Variants in CISTR observed in about 807,000 individuals in gnomAD.
The protein encoded by CISTR is chondrogenic regulator lncRNA.
At chr12:53,750,778 A>C (rs1369395159) in exon 2 of CISTR, 1 of 152,954 alleles carries the variant, frequency 6.5e-6, no homozygotes, top group East Asian at 1.9e-4. Flanking sequence ...TTACTTGGCT[A>C]CGTGTGGCGA....
At chr12:53,747,006 G>A (rs968364169) in intron 2 of CISTR, among the ~76,000 whole-genome samples, 4 of 152,206 alleles carry the variant, frequency 2.6e-5, no homozygotes, top group East Asian at 1.9e-4. Flanking sequence ...GAAGTTTTAA[G>A]TTCTGGTTTT....
chr12:53,749,298 G>A (rs1396441623), intron 2 of CISTR, among the ~76,000 whole-genome samples: 2 of 151,906 alleles, frequency 1.3e-5, no homozygotes, highest in Non-Finnish European at 2.9e-5. Flanking sequence ...AGAAGTGTGT[G>A]TGTGTGTGTG....
chr12:53,752,562 G>A (rs1264875506), intron 1 of CISTR, among the ~76,000 whole-genome samples: 2 of 152,164 alleles, frequency 1.3e-5, no homozygotes, highest in East Asian at 3.8e-4. Flanking sequence ...AACATGCTTG[G>A]CACATGGGAC....
At chr12:53,752,159 TGCC>T (rs1233643954) in intron 1 of CISTR, among the ~76,000 whole-genome samples, 1 of 152,032 alleles carries the variant, frequency 6.6e-6, no homozygotes, top group Non-Finnish European at 1.5e-5. Context: ...CTCTGCCCGC[TGCC>T]GCCGCCGCCG....
At chr12:53,749,365 G>A (rs1336339108) in intron 2 of CISTR, among the ~76,000 whole-genome samples, 1 of 151,720 alleles carries the variant, frequency 6.6e-6, no homozygotes, top group African/African-American at 2.4e-5. Context: ...AGGAGGGCGA[G>A]AGGGGCACGG....
chr12:53,748,728 C>T (rs1373343251), intron 2 of CISTR, among the ~76,000 whole-genome samples: 3 of 152,160 alleles, frequency 2.0e-5, no homozygotes, highest in Non-Finnish European at 4.4e-5. Flanking sequence ...GGGCCAGGAC[C>T]AGGGCCAGGG....
chr12:53,751,573 G>A lies in CISTR; in HGVS notation n.415-608C>T, dbSNP rs1419480284. Among the ~76,000 whole-genome samples, 2 of 152,172 alleles carry A rather than the reference G, an allele frequency of 1.3e-5. No homozygotes were observed. The highest frequency in any genetic ancestry group is 6.5e-5 in the Admixed American group (1 of 15,284). On this transcript the variant is annotated intron_variant and non_coding_transcript_variant, in intron 1 of 2. Transcript: ENST00000669269. The surrounding 1 kb of genome is among the most constrained non-coding windows in gnomAD (Gnocchi z 4.6). Reference sequence around the variant, plus strand: ...CCCTGGTGGGCCCTCAGCCTCCTCCGCGCGGCGCGGACTCATTACGGCTGC... The same window carrying A: ...CCCTGGTGGGCCCTCAGCCTCCTCCACGCGGCGCGGACTCATTACGGCTGC...
chr12:53,748,798 G>C (rs1937811202), intron 2 of CISTR, among the ~76,000 whole-genome samples: 1 of 152,226 alleles, frequency 6.6e-6, no homozygotes, highest in African/African-American at 2.4e-5. Context: ...GAAGGGGAGG[G>C]AGAAGATGGG....
At chr12:53,748,483 G>A (rs1314296853) in intron 2 of CISTR, among the ~76,000 whole-genome samples, 1 of 152,186 alleles carries the variant, frequency 6.6e-6, no homozygotes, top group African/African-American at 2.4e-5. Flanking sequence ...AGAGGGAACA[G>A]AGACACTGCC....
intron 1 of CISTR, among the ~76,000 whole-genome samples, chr12:53,753,665 G>GGGGTGTGTGTGT (rs1394699395): frequency 7.1e-6 from 1 of 141,224 alleles, no homozygotes; most frequent in African/African-American, 2.7e-5. Flanking sequence ...AATGCATAGG[G>GGGGTGTGTGTGT]GTGTGTGTGT....
At chr12:53,746,965 T>C (rs1018348178) in intron 2 of CISTR, among the ~76,000 whole-genome samples, 1 of 152,226 alleles carries the variant, frequency 6.6e-6, no homozygotes, top group Admixed American at 6.5e-5. Flanking sequence ...GGGAAGGTCT[T>C]CCGGAGATTT....
rs760615546 is a variant in CISTR, at chr12:53,753,052, T to TCACACACACACACA, written n.415-2101_415-2088dup. Among the ~76,000 whole-genome samples the TCACACACACACACA allele has an allele frequency of 2.8e-4, 34 of 121,322 alleles. 1 individual carries two copies. The highest frequency in any genetic ancestry group is 2.0e-3 in the East Asian group (9 of 4,580). 79.6% of individuals were successfully genotyped at this position (121,322 alleles called of 152,430 possible). ...ATCATACTTCTCTCCCATCTATACA[T>TCACACACACACACA]CACACACACACACACACACACACAC... On this transcript the variant is annotated intron_variant and non_coding_transcript_variant, in intron 1 of 2. Transcript: ENST00000669269.
intron 2 of CISTR, among the ~76,000 whole-genome samples, chr12:53,749,828 C>T (rs4759292): frequency 0.052 from 7,946 of 152,108 alleles, 347 homozygotes; most frequent in East Asian, 0.25. Context: ...AGCTGGGGAG[C>T]AGTATTTCCA....
chr12:53,749,132 A>G (rs1407460619), intron 2 of CISTR, among the ~76,000 whole-genome samples: 2 of 152,018 alleles, frequency 1.3e-5, no homozygotes, highest in Non-Finnish European at 2.9e-5. Context: ...GAACAGAAGA[A>G]AGATGGAAGT....
intron 2 of CISTR, among the ~76,000 whole-genome samples, chr12:53,750,040 G>T (rs1022501630): frequency 2.0e-4 from 30 of 152,226 alleles, no homozygotes; most frequent in Admixed American, 7.2e-4. Context: ...CCTGGCACTG[G>T]AGGGATGAGG....
intron 2 of CISTR, among the ~76,000 whole-genome samples, chr12:53,747,596 G>A (rs904026326): frequency 6.6e-6 from 1 of 152,110 alleles, no homozygotes; most frequent in African/African-American, 2.4e-5. Flanking sequence ...TGGGGATATT[G>A]TCCAGGGGCC....
intron 1 of CISTR, among the ~76,000 whole-genome samples, chr12:53,752,580 A>T (rs552983247): frequency 6.6e-6 from 1 of 152,290 alleles, no homozygotes; most frequent in African/African-American, 2.4e-5. Flanking sequence ...GACTTAGTCT[A>T]TTAGCTCTTC....
chr12:53,752,301 C>T (rs529578440), intron 1 of CISTR, among the ~76,000 whole-genome samples: 23 of 152,352 alleles, frequency 1.5e-4, no homozygotes, highest in African/African-American at 5.1e-4. Context: ...CTGGACCGAT[C>T]CAACCAGCGA....
rs1169658034 is a variant in CISTR at position 53,756,500 on chromosome 12, C to T, written n.414+314G>A. Among the ~76,000 whole-genome samples, 3 of 152,222 alleles carry T rather than the reference C, an allele frequency of 2.0e-5. No individual in the cohort carries two copies. The highest frequency in any genetic ancestry group is 6.5e-5 in the Admixed American group (1 of 15,292). On this transcript the variant is annotated intron_variant and non_coding_transcript_variant, in intron 1 of 2. Coordinates refer to ENST00000669269, the Ensembl canonical transcript of CISTR. The surrounding 1 kb of genome is among the most constrained non-coding windows in gnomAD (Gnocchi z 4.0). ...CTTGAAATCCTGGGCTCAGGCGATC[C>T]TCCTGCCTCAGCCTTCCAAAGTGCT...
Sources: allele counts gnomAD v4.1 joint callset (sites outside exome capture counted in the v4.1 genomes callset), GRCh38; gene constraint gnomAD v4.1.1; non-coding constraint Gnocchi (gnomAD v3.1); transcripts MANE v1.5; gene names NCBI Gene and HGNC (gene_info 2026-07-23, HGNC 2026-07-21).